The following RNF212 variants were observed in gnomAD, a reference collection of about 807,000 sequenced individuals.
RNF212 encodes ring finger protein 212.
Under a neutral mutation model 34.7 loss-of-function variants are expected in RNF212, and 33 were observed. The observed-to-expected ratio is 0.95, with a 90% CI of 0.72 to 1.27. RNF212 has a LOEUF of 1.27. Among genes scored for constraint, RNF212 ranks in the 50% most tolerant of loss-of-function variants. The pLI, the probability that RNF212 is intolerant of heterozygous loss-of-function variation, is 0.00. For synonymous variants in RNF212, 140 were observed against 136.1 expected, an observed-to-expected ratio of 1.03 and a Z score of -0.20; for missense variants, 377 against 362.2, an observed-to-expected ratio of 1.04 and a Z score of -0.33.
intron 4 of RNF212, among the ~76,000 whole-genome samples, chr4:1,088,770 C>A (rs1352643706): frequency 2.6e-5 from 4 of 152,244 alleles, no homozygotes; most frequent in Admixed American, 6.5e-5. Flanking sequence ...GCTGCTCTGG[C>A]TCCAGCCATG....
At chr4:1,092,374 C>A (rs1247137205) in intron 3 of RNF212, among the ~76,000 whole-genome samples, 1 of 152,116 alleles carries the variant, frequency 6.6e-6, no homozygotes, top group African/African-American at 2.4e-5. Flanking sequence ...GAGGGTGGAG[C>A]TGGGGAGCCT....
chr4:1,056,716 A>G lies in RNF212; in HGVS notation n.221-213T>C, dbSNP rs968276143. ...TGAACAACTAAGGCAAAACTCAGAA[A>G]CACAACTCTTGAGAACGTTTAGAGC... is the stretch of plus-strand genomic sequence containing the variant. On this transcript the variant is annotated intron_variant and non_coding_transcript_variant, in intron 4 of 4. Transcript: ENST00000503206. The G allele has an allele frequency of 1.4e-5, 8 of 568,154 alleles. No homozygotes were observed. The African/African-American group carries it at 1.6e-4, about 12-fold the overall frequency. 35.2% of individuals were successfully genotyped at this position (568,154 alleles called of 1,614,324 possible).
At chr4:1,111,873 G>A (rs1725718720) in intron 1 of RNF212, among the ~76,000 whole-genome samples, 1 of 152,162 alleles carries the variant, frequency 6.6e-6, no homozygotes, top group Non-Finnish European at 1.5e-5. Flanking sequence ...GTAACTTGGG[G>A]TGTATCCATA....
At chr4:1,110,489 G>C (rs887031470) in intron 1 of RNF212, among the ~76,000 whole-genome samples, 23 of 152,248 alleles carry the variant, frequency 1.5e-4, no homozygotes, top group African/African-American at 5.5e-4. Flanking sequence ...AATCAAGTAA[G>C]AGAACAAGTG....
In RNF212 at chr4:1,073,763, T is replaced by C. The variant is rs1577646206; in HGVS notation, c.511-101A>G. Reference sequence around the variant, plus strand: ...TAGGAACACATTTCCCAGAACCCCATCTCCCTCATCTTTATCGCCCTCTGA... The same window carrying C: ...TAGGAACACATTTCCCAGAACCCCACCTCCCTCATCTTTATCGCCCTCTGA... On this transcript the variant is annotated intron_variant, in intron 8 of 9. Coordinates refer to ENST00000433731, the MANE Select transcript of RNF212 (RefSeq NM_001131034.4). The C allele has an allele frequency of 1.2e-5, 9 of 769,606 alleles. No homozygotes were observed. In the East Asian group the frequency reaches 2.3e-4, roughly 20 times the overall value. 47.7% of individuals were successfully genotyped at this position (769,606 alleles called of 1,614,324 possible). A position where few individuals can be genotyped will look rare whatever the true frequency, so the allele number is the denominator to read the frequency against.
At chr4:1,056,981 T>C in intron 4 of RNF212, 2 of 987,898 alleles carry the variant, frequency 2.0e-6, no homozygotes, top group Non-Finnish European at 2.4e-6. Context: ...GGGTCCCTTG[T>C]AGGGAATTTG....
chr4:1,081,275 G>T, intron 7 of RNF212, 144 bp downstream of exon 7: 1 of 727,714 alleles, frequency 1.4e-6, no homozygotes, highest in Non-Finnish European at 2.4e-6. Context: ...GATGAAATAA[G>T]TACCAAAATG....
chr4:1,070,932 C>T (rs1185356830), downstream of RNF212, among the ~76,000 whole-genome samples: 8 of 150,306 alleles, frequency 5.3e-5, no homozygotes, highest in South Asian at 2.1e-4. Context: ...GAAGTATTTT[C>T]GAAATAAATT....
In RNF212 at chr4:1,073,083, C is replaced by A. The variant is rs534213507; in HGVS notation, c.685G>T (p.Val229Phe). The change falls in exon 10 of 10, where the codon GTC becomes TTC. Residue 229 changes from valine (V) to phenylalanine (F), a missense_variant. Coordinates refer to ENST00000433731, the MANE Select transcript of RNF212 (RefSeq NM_001131034.4). ...AGGAGGAGCAGCCAGTGAGGACAGA[C>A]GTCTATGCAGAAACATGGTGAACCT... ...SRGSPCFCIDVCPHWLLLLAF... is the reference protein window; with the variant it reads ...SRGSPCFCIDFCPHWLLLLAF... The A allele has an allele frequency of 6.2e-7, 1 of 1,614,132 alleles. No individual in the cohort carries two copies. Among genetic ancestry groups the A allele is most frequent in the South Asian group, 1.1e-5 (1 of 91,068 alleles).
At chr4:1,080,860 C>T (rs983854247) in intron 7 of RNF212, among the ~76,000 whole-genome samples, 7 of 152,240 alleles carry the variant, frequency 4.6e-5, no homozygotes, top group South Asian at 2.1e-4. Flanking sequence ...TACCCCAGGC[C>T]GGGTTTTCTC....
intron 2 of RNF212, among the ~76,000 whole-genome samples, chr4:1,098,245 A>T (rs769726595): frequency 1.3e-5 from 2 of 152,172 alleles, no homozygotes; most frequent in South Asian, 4.1e-4. Context: ...CCCAAATCCC[A>T]CTGAAATGAT....
At chr4:1,095,643 T>C (rs866339998) in intron 3 of RNF212, among the ~76,000 whole-genome samples, 4 of 49,908 alleles carry the variant, frequency 8.0e-5, no homozygotes, top group Admixed American at 6.2e-4. Context: ...CACAGCTCCA[T>C]GGTCTCGGGA....
intron 5 of RNF212, among the ~76,000 whole-genome samples, chr4:1,082,392 T>C (rs143560516): frequency 1.3e-5 from 2 of 152,294 alleles, no homozygotes; most frequent in East Asian, 3.9e-4. Flanking sequence ...GCGTGTCTGT[T>C]TCTGTGGACA....
At chr4:1,111,749 C>G (rs530345389) in intron 1 of RNF212, among the ~76,000 whole-genome samples, 2 of 152,126 alleles carry the variant, frequency 1.3e-5, no homozygotes, top group Non-Finnish European at 2.9e-5. Flanking sequence ...ACACACCCAA[C>G]AGAAATGTGT....
chr4:1,105,223 T>C (rs918180055), intron 2 of RNF212, among the ~76,000 whole-genome samples: 1 of 152,104 alleles, frequency 6.6e-6, no homozygotes, highest in Non-Finnish European at 1.5e-5. Context: ...ACCGGCCCGG[T>C]CTAGCTTACA....
chr4:1,090,021 G>A (rs1706357651), intron 4 of RNF212, among the ~76,000 whole-genome samples: 1 of 151,906 alleles, frequency 6.6e-6, no homozygotes. Flanking sequence ...TGGGATGAGG[G>A]GTGACGGGAT....
At chr4:1,106,750 G>A (rs184798736) in intron 2 of RNF212, among the ~76,000 whole-genome samples, 1 of 152,358 alleles carries the variant, frequency 6.6e-6, no homozygotes, top group East Asian at 1.9e-4. Context: ...CGTGCGAGGA[G>A]CAGAAGCAGG....
At chr4:1,086,523 G>A (rs894587696) in intron 4 of RNF212, among the ~76,000 whole-genome samples, 4 of 136,474 alleles carry the variant, frequency 2.9e-5, no homozygotes, top group African/African-American at 5.7e-5. Context: ...GCAGGGTTTT[G>A]GGTGGCTGTC....
intron 3 of RNF212, chr4:1,093,918 C>A: frequency 6.5e-7 from 1 of 1,536,230 alleles, no homozygotes; most frequent in Non-Finnish European, 8.7e-7. Context: ...TCTCTGGCTG[C>A]TGCTTGGCTT....
Sources: gnomAD v4.1 joint callset for allele counts (sites outside exome capture counted in the v4.1 genomes callset) on GRCh38, gnomAD v4.1.1 for gene constraint, MANE v1.5 for transcripts, NCBI Gene and HGNC (gene_info 2026-07-23, HGNC 2026-07-21) for gene names.